Variants in HIVEP2 observed in about 807,000 individuals in gnomAD.
The protein encoded by HIVEP2 is HIVEP zinc finger 2, also known as transcription factor HIVEP2.
In HIVEP2, 14 loss-of-function variants were observed where a neutral mutation model predicts 180.7. The ratio of observed to expected loss-of-function variants is 0.08; its 90% confidence interval spans 0.05 to 0.12. HIVEP2 has a LOEUF of 0.12. HIVEP2 is among the 10% of genes least tolerant of loss of function. The probability of loss-of-function intolerance (pLI) is 1.00; values close to 1 mark genes in which losing one functional copy is unlikely to be tolerated. For synonymous variants in HIVEP2, 1,184 were observed against 1,136.4 expected, an observed-to-expected ratio of 1.04 and a Z score of -0.84; for missense variants, 2,579 against 3,008.5, an observed-to-expected ratio of 0.86 and a Z score of 3.34.
At chr6:142,842,322 A>T (rs1272897603) in intron 1 of HIVEP2, among the ~76,000 whole-genome samples, 1 of 152,220 alleles carries the variant, frequency 6.6e-6, no homozygotes, top group Non-Finnish European at 1.5e-5. Flanking sequence ...TTTGTTGTGC[A>T]TGTTAACTAA....
chr6:142,792,074 C>T (rs905244507), intron 2 of HIVEP2, among the ~76,000 whole-genome samples: 1 of 152,136 alleles, frequency 6.6e-6, no homozygotes, highest in Non-Finnish European at 1.5e-5. Context: ...AACAGTCTGT[C>T]TGCCTAGAAC....
At chr6:142,838,513 C>T (rs979113767) in intron 1 of HIVEP2, among the ~76,000 whole-genome samples, 1 of 152,090 alleles carries the variant, frequency 6.6e-6, no homozygotes, top group East Asian at 1.9e-4. Flanking sequence ...TCTAGAGCGG[C>T]GAAAATATTT....
At chr6:142,871,261 A>G (rs198672) in intron 1 of HIVEP2, among the ~76,000 whole-genome samples, 6,602 of 152,276 alleles carry the variant, frequency 0.043, 205 homozygotes, top group Non-Finnish European at 0.069. Context: ...TCCATTATAC[A>G]TTATCTCACA....
intron 2 of HIVEP2, among the ~76,000 whole-genome samples, chr6:142,816,408 T>A (rs1473358364): frequency 6.6e-6 from 1 of 152,192 alleles, no homozygotes; most frequent in East Asian, 1.9e-4. Flanking sequence ...TTTGTCTACT[T>A]CTCATGGTCA....
At chr6:142,857,024 AT>A (rs1411990639) in intron 1 of HIVEP2, among the ~76,000 whole-genome samples, 5 of 152,174 alleles carry the variant, frequency 3.3e-5, no homozygotes, top group African/African-American at 9.7e-5. Context: ...CTCTGTGATC[AT>A]TTTTCTCATG....
Position 142,944,000 on chromosome 6 carries a change from G to C in HIVEP2, c.-641+1099C>G, listed in dbSNP as rs1185171259. Among the ~76,000 whole-genome samples the C allele has an allele frequency of 6.6e-6, 1 of 152,176 alleles. No homozygotes were observed. Among genetic ancestry groups the C allele is most frequent in the African/African-American group, 2.4e-5 (1 of 41,436 alleles). ...TCTTCTCCGCACTCCCGAGGTTAAA[G>C]TGCCCCCGTTCCCTTGGTGTAGCTA... On this transcript the variant is annotated intron_variant, in intron 1 of 9. Coordinates refer to ENST00000367603, the MANE Select transcript of HIVEP2 (RefSeq NM_006734.4). The surrounding 1 kb of genome is among the most constrained non-coding windows in gnomAD (Gnocchi z 4.5).
At chr6:142,848,567 TA>T (rs1186302231) in intron 1 of HIVEP2, among the ~76,000 whole-genome samples, 2 of 151,110 alleles carry the variant, frequency 1.3e-5, no homozygotes, top group Non-Finnish European at 3.0e-5. Flanking sequence ...AAATAAAAAT[TA>T]AAAAAAAATT....
At position 142,770,918 on chromosome 6, in the gene HIVEP2, G is replaced by C. The variant is rs747738758; in HGVS notation, c.3821C>G (p.Thr1274Arg). 3.7e-6 allele frequency: 6 copies of C among 1,614,078 alleles called. No individual in the cohort carries two copies. Among genetic ancestry groups the C allele is most frequent in the Non-Finnish European group, 3.4e-6 (4 of 1,180,040 alleles). Residue 1274 changes from threonine to arginine, a missense_variant, in exon 5 of 10, where the codon ACG becomes AGG. Physicochemically the swap from Thr to Arg is moderately conservative, Grantham distance 71. This residue lies in a region of HIVEP2 where 523 missense variants were observed against 577.0 expected (regional missense o/e 0.91). Transcript: ENST00000367603. This position sits in a 1 kb window ranked among gnomAD's most constrained non-coding sequence, Gnocchi z 4.7. The part of the protein sequence containing the change: ...TGKKPAEYAH[T>R]KEQTYPCYSG... ...ATAACATGGGTAGGTCTGCTCTTTC[G>C]TGTGTGCATACTCAGCAGGTTTCTT...
intron 7 of HIVEP2, 71 bp downstream of exon 7, chr6:142,764,728 A>T: frequency 9.1e-7 from 1 of 1,103,342 alleles, no homozygotes; most frequent in Non-Finnish European, 1.3e-6. Context: ...AAGGTTAGTT[A>T]TAAAATAGCA....
chr6:142,835,049 A>G lies in HIVEP2; in HGVS notation c.-528+1886T>C, dbSNP rs74349209. Reference sequence around the variant, plus strand: ...ATGTTGACAGGCTAAAGAATCAGTCACGTGATAGATGAAATATAATTCTGG... The same window carrying G: ...ATGTTGACAGGCTAAAGAATCAGTCGCGTGATAGATGAAATATAATTCTGG... On this transcript the variant is annotated intron_variant, in intron 2 of 9. Coordinates refer to ENST00000367603, the MANE Select transcript of HIVEP2 (RefSeq NM_006734.4). Among the ~76,000 whole-genome samples, 84 of 152,314 alleles carry G rather than the reference A, an allele frequency of 5.5e-4. 2 individuals carry two copies. In the East Asian group the frequency reaches 0.013, roughly 24 times the overall value.
intron 1 of HIVEP2, among the ~76,000 whole-genome samples, chr6:142,939,716 A>G (rs1778131577): frequency 6.6e-6 from 1 of 152,234 alleles, no homozygotes; most frequent in South Asian, 2.1e-4. Context: ...ACTATAAGCC[A>G]TGTCTCTTCT....
chr6:142,829,622 T>C lies in HIVEP2; in HGVS notation c.-528+7313A>G, dbSNP rs577906052. 1.2e-4 allele frequency among the ~76,000 whole-genome samples: 19 copies of C among 152,384 alleles called. No homozygotes were observed. The East Asian group carries it at 3.5e-3, about 28-fold the overall frequency. ...GGCTGAAATGCAGACTTACTCATCA[T>C]TGTATTCCTCCACAGCACCAAAACA... On this transcript the variant is annotated intron_variant, in intron 2 of 9. Coordinates refer to ENST00000367603, the MANE Select transcript of HIVEP2 (RefSeq NM_006734.4).
intron 1 of HIVEP2, among the ~76,000 whole-genome samples, chr6:142,866,763 C>T (rs556614708): frequency 6.6e-6 from 1 of 152,274 alleles, no homozygotes; most frequent in East Asian, 1.9e-4. Flanking sequence ...CTTAGTTGAT[C>T]TGACCACATC....
At chr6:142,925,698 T>G (rs1451725834) in intron 1 of HIVEP2, among the ~76,000 whole-genome samples, 1 of 152,206 alleles carries the variant, frequency 6.6e-6, no homozygotes, top group Non-Finnish European at 1.5e-5. Flanking sequence ...AATGAGAACA[T>G]TTAGGCAACA....
At chr6:142,799,588 G>A (rs943613647) in intron 2 of HIVEP2, among the ~76,000 whole-genome samples, 1 of 152,152 alleles carries the variant, frequency 6.6e-6, no homozygotes, top group Non-Finnish European at 1.5e-5. Context: ...CTGGTCATCA[G>A]TGGACAGCTG....
chr6:142,793,212 T>C (rs186408894), intron 2 of HIVEP2, among the ~76,000 whole-genome samples: 96 of 152,332 alleles, frequency 6.3e-4, no homozygotes, highest in Admixed American at 2.8e-3. Context: ...AGCTATTATG[T>C]ATGAACAGTA....
chr6:142,768,591 C>T, intron 5 of HIVEP2, 55 bp from the exon 6 acceptor site: 2 of 1,529,160 alleles, frequency 1.3e-6, no homozygotes, highest in Non-Finnish European at 1.8e-6. Flanking sequence ...ACACAGGAGC[C>T]CCTATGTCCC....
chr6:142,765,340 C>A (rs1775355292), intron 6 of HIVEP2, among the ~76,000 whole-genome samples: 1 of 152,190 alleles, frequency 6.6e-6, no homozygotes, highest in Admixed American at 6.5e-5. Flanking sequence ...ATACAAAAAG[C>A]ATACCAACAT....
At chr6:142,803,697 T>C (rs758088308) in intron 2 of HIVEP2, among the ~76,000 whole-genome samples, 1 of 151,938 alleles carries the variant, frequency 6.6e-6, no homozygotes, top group South Asian at 2.1e-4. Flanking sequence ...TGCATAGGCG[T>C]CAGCAAAAAT....
Sources: gnomAD v4.1 joint callset for allele counts (sites outside exome capture counted in the v4.1 genomes callset) on GRCh38, gnomAD v4.1.1 for gene constraint, gnomAD v4.1.1 regional missense constraint, Gnocchi (gnomAD v3.1) non-coding constraint, MANE v1.5 for transcripts, NCBI Gene and HGNC (gene_info 2026-07-23, HGNC 2026-07-21) for gene names.